ATXN1: variants seen among roughly 807,000 people sequenced by gnomAD.
ATXN1 encodes the protein ataxin-1.
Under a neutral mutation model 56.4 loss-of-function variants are expected in ATXN1, and 8 were observed. That is an observed-to-expected ratio of 0.14 (90% confidence interval 0.08 to 0.26). The LOEUF (loss-of-function observed/expected upper bound fraction) is 0.26. Among genes scored for constraint, ATXN1 ranks in the 10% least tolerant of loss-of-function variants. ATXN1 has a pLI of 1.00. For synonymous variants in ATXN1, 514 were observed against 494.6 expected (o/e 1.04, Z -0.52); for missense variants, 987 against 1,106.5 (o/e 0.89, Z 1.53).
intron 6 of ATXN1, among the ~76,000 whole-genome samples, chr6:16,385,415 A>T (rs566212493): frequency 6.6e-6 from 1 of 152,316 alleles, no homozygotes; most frequent in Non-Finnish European, 1.5e-5. Flanking sequence ...GGCCTGCTGC[A>T]GGGGCAGTAA....
At chr6:16,344,358 G>A (rs1761330249) in intron 6 of ATXN1, among the ~76,000 whole-genome samples, 1 of 152,224 alleles carries the variant, frequency 6.6e-6, no homozygotes, top group Admixed American at 6.5e-5. Context: ...ATTCTTGGTT[G>A]TGTCTGTGAG....
chr6:16,679,800 G>C (rs1758776624), intron 2 of ATXN1, among the ~76,000 whole-genome samples: 1 of 152,108 alleles, frequency 6.6e-6, no homozygotes, highest in Non-Finnish European at 1.5e-5. Flanking sequence ...AAATATTGGT[G>C]TTTTCCAGCA....
intron 3 of ATXN1, chr6:16,653,139 C>G (rs1758102541): frequency 6.6e-6 from 1 of 152,246 alleles, no homozygotes; most frequent in South Asian, 2.1e-4. Context: ...GTGAGTTCTT[C>G]TGTTTGGATT....
intron 6 of ATXN1, among the ~76,000 whole-genome samples, chr6:16,456,469 T>C (rs1388861331): frequency 6.6e-6 from 1 of 152,182 alleles, no homozygotes; most frequent in Non-Finnish European, 1.5e-5. Context: ...GTCAGGAGCA[T>C]TGGTTTGCCT....
Position 16,669,001 on chromosome 6 carries a change from T to C in ATXN1, c.-614-11100A>G, listed in dbSNP as rs187923124. On this transcript the variant is annotated intron_variant, in intron 2 of 7. Transcript: ENST00000436367. ...GGCATCATAATTACTCTTTGAGAAATTGTGCTGTACACTTTGTATAAAATG... is the reference window on the plus strand; with the variant it reads ...GGCATCATAATTACTCTTTGAGAAACTGTGCTGTACACTTTGTATAAAATG... Among the ~76,000 whole-genome samples the C allele has an allele frequency of 1.1e-4, 16 of 152,210 alleles. No individual in the cohort carries two copies. The East Asian group carries it at 2.3e-3, about 22-fold the overall frequency.
chr6:16,587,568 GC>G (rs1325647383), intron 3 of ATXN1, among the ~76,000 whole-genome samples: 2 of 152,130 alleles, frequency 1.3e-5, no homozygotes, highest in African/African-American at 4.8e-5. Flanking sequence ...TTTTTGTTAT[GC>G]CTCTGCCTTT....
At chr6:16,737,115 A>C (rs1760162606) in intron 2 of ATXN1, 1 of 152,226 alleles carries the variant, frequency 6.6e-6, no homozygotes, top group South Asian at 2.1e-4. Context: ...AAAGAGAGCA[A>C]AGCTGATGCT....
At chr6:16,661,193 G>A (rs939292054) in intron 2 of ATXN1, among the ~76,000 whole-genome samples, 3 of 151,920 alleles carry the variant, frequency 2.0e-5, no homozygotes, top group Non-Finnish European at 2.9e-5. Flanking sequence ...TCTTCGTTTC[G>A]AAAGAGATTG....
intron 6 of ATXN1, among the ~76,000 whole-genome samples, chr6:16,445,880 T>C (rs1193676288): frequency 6.6e-6 from 1 of 151,386 alleles, no homozygotes; most frequent in Non-Finnish European, 1.5e-5. Flanking sequence ...TGCATAGTAT[T>C]CCATGGTGTA....
At chr6:16,540,402 G>A (rs879765720) in intron 4 of ATXN1, among the ~76,000 whole-genome samples, 4 of 151,952 alleles carry the variant, frequency 2.6e-5, no homozygotes, top group Non-Finnish European at 5.9e-5. Flanking sequence ...TAGTAGAGAC[G>A]GGTTTCACCA....
chr6:16,647,328 T>A (rs987792003), intron 3 of ATXN1, among the ~76,000 whole-genome samples: 3 of 152,174 alleles, frequency 2.0e-5, no homozygotes, highest in Non-Finnish European at 4.4e-5. Flanking sequence ...TTTCATGGAT[T>A]GATAAACTGA....
At chr6:16,544,295 C>T (rs775064249) in intron 4 of ATXN1, among the ~76,000 whole-genome samples, 4 of 152,184 alleles carry the variant, frequency 2.6e-5, no homozygotes, top group South Asian at 2.1e-4. Flanking sequence ...CTGTCCAGGC[C>T]GGCTGGCCAA....
intron 6 of ATXN1, among the ~76,000 whole-genome samples, chr6:16,356,243 G>A (rs1033246127): frequency 2.0e-5 from 3 of 152,084 alleles, no homozygotes; most frequent in East Asian, 1.9e-4. Flanking sequence ...GTAAAAAATC[G>A]TGGCACAGGT....
At chr6:16,575,028 T>C (rs1254052983) in intron 4 of ATXN1, among the ~76,000 whole-genome samples, 1 of 152,108 alleles carries the variant, frequency 6.6e-6, no homozygotes, top group Non-Finnish European at 1.5e-5. Flanking sequence ...GATTATGCCT[T>C]TTCAGGGAGG....
At chr6:16,556,524 G>A (rs1296378427) in intron 4 of ATXN1, among the ~76,000 whole-genome samples, 5 of 152,110 alleles carry the variant, frequency 3.3e-5, no homozygotes, top group Non-Finnish European at 7.3e-5. Context: ...TTATCACTGC[G>A]GGAGAACTAA....
At chr6:16,469,118 G>A (rs1239712880) in intron 6 of ATXN1, among the ~76,000 whole-genome samples, 6 of 152,200 alleles carry the variant, frequency 3.9e-5, no homozygotes, top group Non-Finnish European at 7.4e-5. Flanking sequence ...AATGCTTGAT[G>A]AATAAATGAG....
At chr6:16,607,636 C>G (rs1219899870) in intron 3 of ATXN1, among the ~76,000 whole-genome samples, 2 of 152,196 alleles carry the variant, frequency 1.3e-5, no homozygotes, top group African/African-American at 4.8e-5. Context: ...TCTCTCTAGG[C>G]AACCATGGTC....
Position 16,333,927 on chromosome 6 carries a change from AG to A in ATXN1, c.-160-5458del, listed in dbSNP as rs142857304. Among the ~76,000 whole-genome samples the A allele has an allele frequency of 1.5e-3, 227 of 152,292 alleles. 9 individuals carry two copies. The East Asian group carries it at 0.042, about 28-fold the overall frequency. On this transcript the variant is annotated intron_variant, in intron 6 of 7. Coordinates refer to ENST00000436367, the MANE Select transcript of ATXN1 (RefSeq NM_001128164.2). ...TGCTTGGAGTATCTAGAATGGAGAA[AG>A]GTGGATTGGATGATAGCTATAATTA...
intron 5 of ATXN1, among the ~76,000 whole-genome samples, chr6:16,501,682 A>G (rs1378725228): frequency 6.6e-6 from 1 of 152,136 alleles, no homozygotes; most frequent in African/African-American, 2.4e-5. Flanking sequence ...ATAGTATTCC[A>G]TGGTGTATAT....
Sources: allele counts gnomAD v4.1 joint callset (sites outside exome capture counted in the v4.1 genomes callset), GRCh38; gene constraint gnomAD v4.1.1; transcripts MANE v1.5; gene names NCBI Gene and HGNC (gene_info 2026-07-23, HGNC 2026-07-21).